Variants in CCDC33 observed in about 807,000 individuals in gnomAD.
The protein encoded by CCDC33 is coiled-coil domain containing 33.
In CCDC33, 94 loss-of-function variants were observed where a neutral mutation model predicts 91.9. That is an observed-to-expected ratio of 1.02 (90% CI 0.87 to 1.21). The LOEUF is 1.21. CCDC33 is among the 50% of genes most tolerant of loss of function. The pLI is 0.00. For synonymous variants in CCDC33, 396 were observed against 374.5 expected (o/e 1.06, Z -0.66); for missense variants, 940 against 935.5 (o/e 1.00, Z -0.06).
At chr15:74,204,290 C>T (rs2074205210) in intron 1 of CCDC33, among the ~76,000 whole-genome samples, 1 of 152,254 alleles carries the variant, frequency 6.6e-6, no homozygotes, top group South Asian at 2.1e-4. Flanking sequence ...CTCCTCCTGC[C>T]TTCCCCTGAT....
chr15:74,209,857 A>T (rs1003713643), intron 2 of CCDC33, among the ~76,000 whole-genome samples: 27 of 152,208 alleles, frequency 1.8e-4, no homozygotes, highest in African/African-American at 6.5e-4. Context: ...CGGGCCAAGA[A>T]GCGGGGCCCT....
chr15:74,219,241 C>T (rs1022003444), intron 2 of CCDC33, among the ~76,000 whole-genome samples: 2 of 152,204 alleles, frequency 1.3e-5, no homozygotes, highest in Non-Finnish European at 2.9e-5. Context: ...CATCTAGCAT[C>T]CACCCTGACC....
At chr15:74,209,894 A>G (rs1357412403) in intron 2 of CCDC33, among the ~76,000 whole-genome samples, 1 of 152,168 alleles carries the variant, frequency 6.6e-6, no homozygotes, top group Non-Finnish European at 1.5e-5. Context: ...GGCCCTGGAG[A>G]GGCAGTCTCT....
intron 2 of CCDC33, among the ~76,000 whole-genome samples, chr15:74,228,755 C>G (rs1352468513): frequency 1.3e-5 from 2 of 152,230 alleles, no homozygotes; most frequent in African/African-American, 4.8e-5. Context: ...AGACGCCTCC[C>G]CGTGGGATTG....
intron 1 of CCDC33, 43 bp downstream of exon 1, chr15:74,236,783 C>T (rs2075173703): frequency 1.2e-6 from 2 of 1,602,044 alleles, no homozygotes; most frequent in African/African-American, 2.7e-5. Context: ...TGAATCCGTC[C>T]CTCCTTCAAA....
intron 2 of CCDC33, among the ~76,000 whole-genome samples, chr15:74,220,091 C>T (rs1162122825): frequency 6.6e-6 from 1 of 152,072 alleles, no homozygotes; most frequent in Non-Finnish European, 1.5e-5. Context: ...TTTCAGGAGG[C>T]AGTGGGGAAC....
intron 11 of CCDC33, among the ~76,000 whole-genome samples, chr15:74,309,598 A>C (rs1376490001): frequency 1.3e-5 from 2 of 152,116 alleles, no homozygotes; most frequent in Non-Finnish European, 2.9e-5. Flanking sequence ...TGAGCCATGA[A>C]GAGCTTCTGG....
chr15:74,247,357 C>CATATAT lies in CCDC33; in HGVS notation c.185+3219_185+3224dup, dbSNP rs745393579. 4.1e-3 allele frequency among the ~76,000 whole-genome samples: 563 copies of CATATAT among 137,806 alleles called. 1 individual carries two copies. The highest frequency in any genetic ancestry group is 0.011 in the African/African-American group (418 of 38,518). 90.4% of individuals were successfully genotyped at this position (137,806 alleles called of 152,430 possible). ...GAATGAATGGATAAAGAAAAAATGT[C>CATATAT]ATATATATATATATACACACACACA... On this transcript the variant is annotated intron_variant, in intron 2 of 18. Transcript: ENST00000398814.
At chr15:74,266,990 T>C (rs539037062) in intron 4 of CCDC33, among the ~76,000 whole-genome samples, 7 of 3,598 alleles carry the variant, frequency 1.9e-3, no homozygotes, top group African/African-American at 2.2e-3. Context: ...TCCAAATTCA[T>C]CTCTGTAAAA....
At chr15:74,206,330 C>G (rs1276208897) in intron 1 of CCDC33, among the ~76,000 whole-genome samples, 2 of 152,200 alleles carry the variant, frequency 1.3e-5, no homozygotes, top group Non-Finnish European at 2.9e-5. Flanking sequence ...GAGCCCACTT[C>G]TTGAGCCCAA....
rs534333259 is a variant in CCDC33, at chr15:74,335,923, A to T, written c.2140-2A>T. ...TCACGCACCCCGCTTTGCACACCAC[A>T]GAGTGCCCTCACCCACTCCATGGAC... On this transcript the variant is annotated splice_acceptor_variant, in intron 18 of 18. Coordinates refer to ENST00000398814, the MANE Select transcript of CCDC33 (RefSeq NM_025055.5). LOFTEE classifies it high-confidence loss of function. 1.2e-6 allele frequency: 2 copies of T among 1,612,198 alleles called. No individual in the cohort carries two copies. Among genetic ancestry groups the T allele is most frequent in the South Asian group, 1.1e-5 (1 of 91,040 alleles).
At chr15:74,204,322 T>G (rs571786413) in intron 1 of CCDC33, among the ~76,000 whole-genome samples, 4 of 152,204 alleles carry the variant, frequency 2.6e-5, no homozygotes, top group Admixed American at 2.0e-4. Context: ...GGCCCTTGGG[T>G]AAGAGGGACT....
intron 10 of CCDC33, among the ~76,000 whole-genome samples, chr15:74,285,539 C>A (rs1279981611): frequency 6.6e-6 from 1 of 152,050 alleles, no homozygotes; most frequent in South Asian, 2.1e-4. Context: ...GGGGACCTCC[C>A]TCTGCCCCAA....
intron 7 of CCDC33, among the ~76,000 whole-genome samples, chr15:74,273,856 G>A (rs968636439): frequency 7.8e-6 from 1 of 127,762 alleles, no homozygotes; most frequent in East Asian, 2.4e-4. Flanking sequence ...TTGAGACAGA[G>A]TCTTGCTCTT....
intron 8 of CCDC33, 69 bp from the exon 9 acceptor site, chr15:74,280,599 G>A: frequency 7.1e-7 from 1 of 1,416,602 alleles, no homozygotes; most frequent in Non-Finnish European, 9.3e-7. Flanking sequence ...AGGACTGGAT[G>A]TCAGGTATTA....
chr15:74,208,177 C>T (rs1237140172), intron 1 of CCDC33: 1 of 508,010 alleles, frequency 2.0e-6, no homozygotes, highest in African/African-American at 2.0e-5. Flanking sequence ...TAGTACTGAC[C>T]TGGAGGAGGG....
At chr15:74,325,238 C>T (rs542323480) in intron 11 of CCDC33, among the ~76,000 whole-genome samples, 277 of 114,844 alleles carry the variant, frequency 2.4e-3, no homozygotes, top group African/African-American at 7.4e-3. Flanking sequence ...AGGATGGAAT[C>T]CAAGCTCCTG....
At chr15:74,207,779 G>A (rs1271782869) in intron 1 of CCDC33, 23 of 1,535,728 alleles carry the variant, frequency 1.5e-5, no homozygotes, top group Non-Finnish European at 1.9e-5. Flanking sequence ...CTTGGGGTGT[G>A]CCCTCAGTGG....
upstream of CCDC33, among the ~76,000 whole-genome samples, chr15:74,216,117 G>A (rs796649934): frequency 1.1e-4 from 17 of 152,164 alleles, no homozygotes; most frequent in African/African-American, 3.9e-4. Flanking sequence ...AATATGCAAG[G>A]GAAGAGAGCT....
Sources: allele counts gnomAD v4.1 joint callset (sites outside exome capture counted in the v4.1 genomes callset), GRCh38; gene constraint gnomAD v4.1.1; transcripts MANE v1.5; gene names NCBI Gene and HGNC (gene_info 2026-07-23, HGNC 2026-07-21).